RTL4: variants seen among roughly 807,000 people sequenced by gnomAD.
RTL4 encodes retrotransposon Gag-like protein 4.
RTL4 carries 4 observed loss-of-function variants against 5.3 expected under a neutral mutation model. The observed-to-expected ratio is 0.75, with a 90% CI of 0.37 to 1.72. The LOEUF (loss-of-function observed/expected upper bound fraction) is 1.72. Ranked by LOEUF, RTL4 falls within the 40% of genes most tolerant of loss-of-function variation. The pLI is 0.04. For synonymous variants in RTL4, 98 were observed against 87.3 expected (o/e 1.12, Z -0.68); for missense variants, 260 against 227.1 (o/e 1.14, Z -0.93).
chrX:112,163,968 G>A, the RTL4 span, among the ~76,000 whole-genome samples: 2 of 111,789 alleles, frequency 1.8e-5, no homozygotes, highest in African/African-American at 3.3e-5. Context: ...CAGTCATGGG[G>A]AGATAGTTTA....
chrX:112,418,857 A>T, the RTL4 span, among the ~76,000 whole-genome samples: 2 of 109,625 alleles, frequency 1.8e-5, no homozygotes, highest in Non-Finnish European at 3.8e-5. Context: ...GAAGACCTCC[A>T]TTCTAATTTT....
the RTL4 span, among the ~76,000 whole-genome samples, chrX:112,329,918 A>T: frequency 9.2e-6 from 1 of 108,915 alleles, no homozygotes; most frequent in African/African-American, 3.4e-5. Context: ...CCACATGATT[A>T]TCTCAATAGA....
the RTL4 span, among the ~76,000 whole-genome samples, chrX:112,146,632 A>C: frequency 5.4e-5 from 6 of 110,210 alleles, no homozygotes; most frequent in South Asian, 2.4e-3. Flanking sequence ...AGGAAGCAGG[A>C]GGTCAGTGAG....
chrX:112,359,703 T>C, the RTL4 span, among the ~76,000 whole-genome samples: 1 of 111,213 alleles, frequency 9.0e-6, no homozygotes, highest in Non-Finnish European at 1.9e-5. Flanking sequence ...TTGGTGCTTC[T>C]GATAATTCTC....
At chrX:112,456,256 C>T in exon 1 of RTL4, 3 of 308,217 alleles carry the variant, frequency 9.7e-6, no homozygotes, top group Non-Finnish European at 1.8e-5. Context: ...GCCACCCTTC[C>T]ATAGAGCTAT....
At chrX:112,083,318 C>G in the RTL4 span, among the ~76,000 whole-genome samples, 3 of 112,658 alleles carry the variant, frequency 2.7e-5, no homozygotes, top group East Asian at 8.5e-4. Context: ...CCTTTGCCCA[C>G]CCCCGTCAGC....
chrX:112,199,071 G>A, the RTL4 span, among the ~76,000 whole-genome samples: 4 of 110,424 alleles, frequency 3.6e-5, no homozygotes, highest in Admixed American at 1.9e-4. Context: ...AGTGGATCAC[G>A]AGGTCAGGAG....
chrX:112,231,011 A>G, the RTL4 span, among the ~76,000 whole-genome samples: 1 of 111,020 alleles, frequency 9.0e-6, no homozygotes. Flanking sequence ...ATGCAAATCA[A>G]AACCACAATG....
the RTL4 span, among the ~76,000 whole-genome samples, chrX:112,114,767 T>C: frequency 1.2e-4 from 13 of 111,194 alleles, no homozygotes; most frequent in Non-Finnish European, 2.5e-4. Flanking sequence ...GGGAGTAAGT[T>C]GAGAGGTCCT....
chrX:112,126,897 T>C, the RTL4 span, among the ~76,000 whole-genome samples: 2 of 111,484 alleles, frequency 1.8e-5, no homozygotes, highest in South Asian at 3.7e-4. Flanking sequence ...AAAAAGTTTT[T>C]TAAAAACCCA....
At chrX:112,411,648 C>T in the RTL4 span, among the ~76,000 whole-genome samples, 1 of 110,715 alleles carries the variant, frequency 9.0e-6, no homozygotes, top group Non-Finnish European at 1.9e-5. Flanking sequence ...TGATAAAATT[C>T]GGTATCTCTC....
the RTL4 span, among the ~76,000 whole-genome samples, chrX:112,365,826 T>C: frequency 9.0e-6 from 1 of 111,177 alleles, no homozygotes; most frequent in Non-Finnish European, 1.9e-5. Flanking sequence ...CATTGCTATC[T>C]TTACCCAGTC....
At chrX:112,179,846 T>C in the RTL4 span, among the ~76,000 whole-genome samples, 1 of 111,857 alleles carries the variant, frequency 8.9e-6, no homozygotes, top group African/African-American at 3.2e-5. Flanking sequence ...AAAAGTCCAG[T>C]ATAGCAGCAA....
the RTL4 span, among the ~76,000 whole-genome samples, chrX:112,180,847 C>T: frequency 8.9e-6 from 1 of 112,481 alleles, no homozygotes; most frequent in Non-Finnish European, 1.9e-5. Flanking sequence ...GAACTTCTCA[C>T]TTGTTTAAAA....
chrX:112,342,897 C>T, the RTL4 span, among the ~76,000 whole-genome samples: 4 of 111,366 alleles, frequency 3.6e-5, no homozygotes, highest in African/African-American at 1.3e-4. Context: ...ATCAGGAGTT[C>T]GAGACCAGCC....
the RTL4 span, among the ~76,000 whole-genome samples, chrX:112,120,741 G>A: frequency 4.2e-3 from 469 of 111,375 alleles, 3 homozygotes; most frequent in African/African-American, 0.014. Flanking sequence ...CGAAAAGTAT[G>A]TTAAAAATTC....
At chrX:112,095,202 G>A in the RTL4 span, among the ~76,000 whole-genome samples, 3 of 111,606 alleles carry the variant, frequency 2.7e-5, no homozygotes, top group Admixed American at 2.8e-4. Flanking sequence ...TAGGTTTCAT[G>A]GCACAAAGCT....
chrX:112,439,223 G>A, the RTL4 span, among the ~76,000 whole-genome samples: 1 of 111,425 alleles, frequency 9.0e-6, no homozygotes, highest in East Asian at 2.9e-4. Context: ...ACACAGTCTT[G>A]CTGCCAGAAA....
the RTL4 span, among the ~76,000 whole-genome samples, chrX:112,250,652 T>C: frequency 8.9e-6 from 1 of 112,415 alleles, no homozygotes; most frequent in Non-Finnish European, 1.9e-5. Context: ...TGCAGATCTC[T>C]TGGGAGAAAG....
Sources: allele counts gnomAD v4.1 joint callset (sites outside exome capture counted in the v4.1 genomes callset), GRCh38; gene constraint gnomAD v4.1.1; transcripts MANE v1.5; gene names NCBI Gene and HGNC (gene_info 2026-07-23, HGNC 2026-07-21).